KIAA1217: variants seen among roughly 807,000 people sequenced by gnomAD.
KIAA1217 encodes the protein KIAA1217, also known as sickle tail protein homolog.
Under a neutral mutation model 163.9 loss-of-function variants are expected in KIAA1217, and 88 were observed. That is an observed-to-expected ratio of 0.54 (90% CI 0.45 to 0.64). The LOEUF (loss-of-function observed/expected upper bound fraction) is 0.64, where lower values mean the gene tolerates loss of function less well. Among genes scored for constraint, KIAA1217 ranks in the 30% least tolerant of loss-of-function variants. The pLI is 0.00. For synonymous variants in KIAA1217, 903 were observed against 923.1 expected (o/e 0.98, Z 0.39); for missense variants, 2,372 against 2,475.0 (o/e 0.96, Z 0.88).
At chr10:24,465,983 T>C (rs1308098643) in intron 5 of KIAA1217, among the ~76,000 whole-genome samples, 1 of 152,244 alleles carries the variant, frequency 6.6e-6, no homozygotes, top group Admixed American at 6.5e-5. Context: ...CCCGGCGCTA[T>C]GTAGGACTGA....
intron 3 of KIAA1217, among the ~76,000 whole-genome samples, chr10:24,406,438 C>T (rs1269920180): frequency 2.6e-5 from 4 of 151,568 alleles, no homozygotes; most frequent in Admixed American, 2.6e-4. Flanking sequence ...GATGAACACA[C>T]ACATTGCTAA....
At chr10:23,934,589 A>ATATATATATATATT (rs1439337986) in intron 1 of KIAA1217, among the ~76,000 whole-genome samples, 1 of 56,844 alleles carries the variant, frequency 1.8e-5, no homozygotes, top group Non-Finnish European at 2.8e-5. Flanking sequence ...ATATATATAT[A>ATATATATATATATT]TGTATATATA....
intron 2 of KIAA1217, among the ~76,000 whole-genome samples, chr10:24,135,694 G>A (rs1038165964): frequency 2.0e-5 from 3 of 152,058 alleles, no homozygotes; most frequent in African/African-American, 7.2e-5. Flanking sequence ...AGATGAAACA[G>A]CACAGACCTA....
At chr10:24,304,515 A>AT (rs1370067589) in intron 2 of KIAA1217, among the ~76,000 whole-genome samples, 4 of 151,594 alleles carry the variant, frequency 2.6e-5, no homozygotes, top group African/African-American at 4.8e-5. Flanking sequence ...AGTTTTTTTC[A>AT]TTTTTTTATA....
chr10:23,790,616 T>TAC (rs1835881042), intron 1 of KIAA1217, among the ~76,000 whole-genome samples: 4 of 88,290 alleles, frequency 4.5e-5, no homozygotes, highest in African/African-American at 1.5e-4. Flanking sequence ...TATACATATG[T>TAC]ATATATACAT....
intron 2 of KIAA1217, among the ~76,000 whole-genome samples, chr10:24,045,290 T>C (rs1848923042): frequency 1.3e-5 from 2 of 152,210 alleles, no homozygotes; most frequent in Admixed American, 6.5e-5. Context: ...TTCTTTATCC[T>C]TGATGTTCTG....
chr10:23,716,525 T>C (rs74360794), intron 1 of KIAA1217, among the ~76,000 whole-genome samples: 2,961 of 152,272 alleles, frequency 0.019, 85 homozygotes, highest in African/African-American at 0.067. Context: ...GAACCTGCTT[T>C]GTCTTTCCTT....
chr10:23,993,553 C>CTTTTTATTTTTTT (rs1846318991), intron 1 of KIAA1217, among the ~76,000 whole-genome samples: 1 of 68,956 alleles, frequency 1.5e-5, no homozygotes, highest in African/African-American at 8.4e-5. Flanking sequence ...CATAGCCCAG[C>CTTTTTATTTTTTT]TTTTTTTTTT....
At chr10:24,141,732 C>T (rs1479625085) in intron 2 of KIAA1217, among the ~76,000 whole-genome samples, 1 of 152,168 alleles carries the variant, frequency 6.6e-6, no homozygotes. Flanking sequence ...ATTAAATTCA[C>T]ATTGGAATCA....
intron 2 of KIAA1217, among the ~76,000 whole-genome samples, chr10:24,049,925 C>T (rs1052495360): frequency 6.6e-6 from 1 of 152,190 alleles, no homozygotes; most frequent in Non-Finnish European, 1.5e-5. Flanking sequence ...CTCCCACCAA[C>T]AGTATAAAAG....
intron 2 of KIAA1217, among the ~76,000 whole-genome samples, chr10:24,164,389 C>G (rs940509728): frequency 6.6e-6 from 1 of 152,214 alleles, no homozygotes; most frequent in Non-Finnish European, 1.5e-5. Flanking sequence ...ATTTTACTAT[C>G]TTGGTAGCCC....
intron 1 of KIAA1217, among the ~76,000 whole-genome samples, chr10:23,960,305 C>T (rs994588269): frequency 6.6e-6 from 1 of 152,062 alleles, no homozygotes. Context: ...AATGCCAAGG[C>T]TGGAGTGCAG....
intron 1 of KIAA1217, among the ~76,000 whole-genome samples, chr10:23,783,272 G>A (rs1564415706): frequency 6.6e-6 from 1 of 152,112 alleles, no homozygotes; most frequent in South Asian, 2.1e-4. Context: ...AGCTATCCTG[G>A]CCTGCATGTG....
At chr10:23,872,939 T>G (rs1057056073) in intron 1 of KIAA1217, among the ~76,000 whole-genome samples, 3 of 152,088 alleles carry the variant, frequency 2.0e-5, no homozygotes, top group African/African-American at 7.2e-5. Context: ...GTTTCCCGTA[T>G]TTTTGGAATG....
rs7358229 is a variant in KIAA1217 at position 24,424,484 on chromosome 10, C to A, written c.554-8511C>A. On this transcript the variant is annotated intron_variant, in intron 3 of 20. Transcript: ENST00000376454. ...TGTACTCCCGAGTTCCTGGCACAGG[C>A]CTGGCACAAGATGGGAACTTGTCTA... Among the ~76,000 whole-genome samples, 269 of 152,356 alleles carry A rather than the reference C, an allele frequency of 1.8e-3. 3 individuals carry two copies. The highest frequency in any genetic ancestry group is 6.2e-3 in the African/African-American group (256 of 41,586).
In KIAA1217 at chr10:23,745,389, C is replaced by T. The variant is rs192315423; in HGVS notation, c.-321+50155C>T. Among the ~76,000 whole-genome samples, 10 of 152,252 alleles carry T rather than the reference C, an allele frequency of 6.6e-5. No individual in the cohort carries two copies. The East Asian group carries it at 1.2e-3, about 18-fold the overall frequency. On this transcript the variant is annotated intron_variant, in intron 1 of 18. Transcript: ENST00000376462. ...TGTGCTAATGTATGTAATAACATCACGTCGAGTTGCTCGGTTTGTCTGGCT... is the reference window on the plus strand; with the variant it reads ...TGTGCTAATGTATGTAATAACATCATGTCGAGTTGCTCGGTTTGTCTGGCT...
At chr10:24,545,193 T>G (rs563661974) in intron 20 of KIAA1217, 90 bp downstream of exon 20, 143 of 1,560,324 alleles carry the variant, frequency 9.2e-5, no homozygotes, top group Non-Finnish European at 1.2e-4. Flanking sequence ...GTGCTTTCTT[T>G]GTAAGATAAC....
chr10:24,279,081 C>G (rs1333028652), intron 2 of KIAA1217, among the ~76,000 whole-genome samples: 1 of 152,068 alleles, frequency 6.6e-6, no homozygotes, highest in African/African-American at 2.4e-5. Flanking sequence ...CTCAGGTGAT[C>G]CGCACATCTT....
intron 2 of KIAA1217, among the ~76,000 whole-genome samples, chr10:24,147,516 A>G (rs1215201289): frequency 1.3e-5 from 2 of 152,178 alleles, no homozygotes; most frequent in African/African-American, 2.4e-5. Flanking sequence ...AATGTCAGAA[A>G]TGTGTGCTGA....
Sources: allele counts gnomAD v4.1 joint callset (sites outside exome capture counted in the v4.1 genomes callset), GRCh38; gene constraint gnomAD v4.1.1; transcripts MANE v1.5; gene names NCBI Gene and HGNC (gene_info 2026-07-23, HGNC 2026-07-21).